GALNTL6: variants seen among roughly 807,000 people sequenced by gnomAD.
GALNTL6 encodes the protein polypeptide N-acetylgalactosaminyltransferase like 6, also known as polypeptide N-acetylgalactosaminyltransferase-like 6.
In GALNTL6, 46 loss-of-function variants were observed where a neutral mutation model predicts 73.7. The observed-to-expected ratio is 0.62, with a 90% CI of 0.49 to 0.80. The LOEUF is 0.80. GALNTL6 is among the 30% of genes least tolerant of loss of function. The pLI is 0.00. For missense variants in GALNTL6, 604 were observed against 755.0 expected, an observed-to-expected ratio of 0.80 and a Z score of 2.34; for synonymous variants, 259 against 263.7, an observed-to-expected ratio of 0.98 and a Z score of 0.17.
intron 2 of GALNTL6, among the ~76,000 whole-genome samples, chr4:172,011,349 G>A (rs1324050133): frequency 6.6e-6 from 1 of 152,062 alleles, no homozygotes; most frequent in Non-Finnish European, 1.5e-5. Flanking sequence ...AAGGATTAAG[G>A]CTTAGTAATA....
At chr4:172,672,163 T>C (rs112545019) in intron 5 of GALNTL6, among the ~76,000 whole-genome samples, 2,040 of 152,296 alleles carry the variant, frequency 0.013, 44 homozygotes, top group African/African-American at 0.046. Flanking sequence ...AGTGCTGGGA[T>C]TACAGGAGTG....
chr4:172,386,505 A>G (rs749730051), intron 5 of GALNTL6, among the ~76,000 whole-genome samples: 4 of 152,038 alleles, frequency 2.6e-5, no homozygotes, highest in African/African-American at 4.8e-5. Flanking sequence ...GAGAGCGAGA[A>G]AGAGAGAGAG....
At chr4:172,641,499 C>T (rs1739980562) in intron 5 of GALNTL6, among the ~76,000 whole-genome samples, 1 of 152,044 alleles carries the variant, frequency 6.6e-6, no homozygotes, top group Non-Finnish European at 1.5e-5. Context: ...GCTTTAGAGC[C>T]TTTGTTCTGG....
rs114761070 is a variant in GALNTL6, at chr4:172,972,659, G to A, written c.1371+20401G>A. On this transcript the variant is annotated intron_variant, in intron 10 of 12. Transcript: ENST00000506823. ...CTGATTCTAGTTGTGGGGCAGGAAA[G>A]GTAGACGGTGGGCTGAGATAGTTTG... Among the ~76,000 whole-genome samples the A allele has an allele frequency of 7.8e-3, 1,190 of 152,244 alleles. 12 individuals carry two copies. The highest frequency in any genetic ancestry group is 0.028 in the African/African-American group (1,148 of 41,522).
At chr4:172,836,574 T>C (rs1032078557) in intron 7 of GALNTL6, among the ~76,000 whole-genome samples, 1 of 152,168 alleles carries the variant, frequency 6.6e-6, no homozygotes, top group African/African-American at 2.4e-5. Flanking sequence ...AAAAAATCAA[T>C]GTAAATACAT....
chr4:172,790,456 G>T (rs1293376172), intron 5 of GALNTL6, among the ~76,000 whole-genome samples: 1 of 152,186 alleles, frequency 6.6e-6, no homozygotes, highest in African/African-American at 2.4e-5. Context: ...GACACAGAGA[G>T]AAGGCTGCCA....
chr4:172,728,175 C>T (rs567360551), intron 5 of GALNTL6, among the ~76,000 whole-genome samples: 2 of 152,216 alleles, frequency 1.3e-5, no homozygotes, highest in African/African-American at 2.4e-5. Context: ...GGATTACAGG[C>T]GTCAGCCACC....
At chr4:172,830,525 G>A (rs1434024555) in intron 7 of GALNTL6, among the ~76,000 whole-genome samples, 1 of 152,196 alleles carries the variant, frequency 6.6e-6, no homozygotes, top group Non-Finnish European at 1.5e-5. Flanking sequence ...TGCAAAGGAG[G>A]CTTTAACTCC....
At chr4:172,351,181 G>GTCTATCTATCTA in intron 5 of GALNTL6, among the ~76,000 whole-genome samples, 1 of 122,606 alleles carries the variant, frequency 8.2e-6, no homozygotes. Context: ...ACAATAATCT[G>GTCTATCTATCTA]TCTATCTATC....
intron 5 of GALNTL6, among the ~76,000 whole-genome samples, chr4:172,589,224 TC>T (rs1034005712): frequency 3.3e-5 from 5 of 152,294 alleles, no homozygotes; most frequent in East Asian, 3.9e-4. Flanking sequence ...CATTTCTTAA[TC>T]ATCAAGACTA....
At chr4:172,243,344 T>G (rs1037021216) in intron 3 of GALNTL6, among the ~76,000 whole-genome samples, 2 of 152,196 alleles carry the variant, frequency 1.3e-5, no homozygotes, top group African/African-American at 4.8e-5. Context: ...CTCTCTGTCC[T>G]TTTACTCTGC....
chr4:172,640,169 A>T (rs998663979), intron 5 of GALNTL6, among the ~76,000 whole-genome samples: 2 of 152,152 alleles, frequency 1.3e-5, no homozygotes, highest in Non-Finnish European at 2.9e-5. Flanking sequence ...AAACCATTAC[A>T]TTACAAATGC....
At chr4:172,062,978 C>T (rs183204445) in intron 2 of GALNTL6, among the ~76,000 whole-genome samples, 8 of 152,188 alleles carry the variant, frequency 5.3e-5, no homozygotes, top group Non-Finnish European at 1.2e-4. Flanking sequence ...ATTCTGGAAG[C>T]GTGCCTTGCA....
rs376950760 is a variant in GALNTL6 at position 172,230,956 on chromosome 4, TAC to T, written c.247+1194_247+1195del. Among the ~76,000 whole-genome samples, 478 of 152,248 alleles carry T rather than the reference TAC, an allele frequency of 3.1e-3. 1 individual carries two copies. The highest frequency in any genetic ancestry group is 0.011 in the African/African-American group (459 of 41,550). On this transcript the variant is annotated intron_variant, in intron 3 of 12. Coordinates refer to ENST00000506823, the MANE Select transcript of GALNTL6 (RefSeq NM_001034845.3). ...CTGTATCAGGTATGGCTGACTGAAT[TAC>T]AGTCTTTTTTATTTTCTTGCATTCC... is the stretch of plus-strand genomic sequence containing the variant.
intron 5 of GALNTL6, among the ~76,000 whole-genome samples, chr4:172,613,108 A>G (rs1315341147): frequency 2.6e-5 from 4 of 152,140 alleles, no homozygotes; most frequent in African/African-American, 2.4e-5. Context: ...AATCAACTTA[A>G]AAGGTAGATA....
intron 3 of GALNTL6, among the ~76,000 whole-genome samples, chr4:172,283,891 T>C (rs554258984): frequency 6.6e-6 from 1 of 152,298 alleles, no homozygotes; most frequent in South Asian, 2.1e-4. Flanking sequence ...TTCATTTTTA[T>C]AATTTATAGT....
At chr4:171,946,407 T>C (rs1738702974) in intron 2 of GALNTL6, among the ~76,000 whole-genome samples, 1 of 152,194 alleles carries the variant, frequency 6.6e-6, no homozygotes, top group Non-Finnish European at 1.5e-5. Flanking sequence ...TAGCACATAT[T>C]TTTTCTTAAG....
At chr4:171,823,283 A>T (rs1734732637) in intron 2 of GALNTL6, among the ~76,000 whole-genome samples, 1 of 152,134 alleles carries the variant, frequency 6.6e-6, no homozygotes, top group Admixed American at 6.6e-5. Flanking sequence ...AAATGGCTGG[A>T]TGTGGGACCC....
chr4:172,379,266 C>A (rs1217080514), intron 5 of GALNTL6, among the ~76,000 whole-genome samples: 1 of 151,990 alleles, frequency 6.6e-6, no homozygotes, highest in Non-Finnish European at 1.5e-5. Context: ...CGCGGTGGCT[C>A]ACGCCTGTAA....
Sources: gnomAD v4.1 joint callset for allele counts (sites outside exome capture counted in the v4.1 genomes callset) on GRCh38, gnomAD v4.1.1 for gene constraint, MANE v1.5 for transcripts, NCBI Gene and HGNC (gene_info 2026-07-23, HGNC 2026-07-21) for gene names.